Variants in ZNF804A observed in about 807,000 individuals in gnomAD.
ZNF804A encodes the protein zinc finger protein 804A.
ZNF804A carries 2 observed loss-of-function variants against 16.5 expected under a neutral mutation model. The observed-to-expected ratio is 0.12, with a 90% CI of 0.05 to 0.38. The LOEUF (loss-of-function observed/expected upper bound fraction) is 0.38, where lower values mean the gene tolerates loss of function less well. ZNF804A is among the 10% of genes least tolerant of loss of function. ZNF804A has a pLI of 0.99. For missense variants in ZNF804A, 1,473 were observed against 1,390.7 expected, an observed-to-expected ratio of 1.06 and a Z score of -0.94; for synonymous variants, 534 against 489.6, an observed-to-expected ratio of 1.09 and a Z score of -1.20.
Position 184,856,396 on chromosome 2 carries a change from G to A in ZNF804A, c.112-9973G>A, listed in dbSNP as rs373570481. ...AGTAATCTCTTAATGAAAACAAAGC[G>A]TCATAGGTAGAGAGTGAAAGTCTGC... On this transcript the variant is annotated intron_variant, in intron 1 of 3. Coordinates refer to ENST00000302277, the MANE Select transcript of ZNF804A (RefSeq NM_194250.2). Among the ~76,000 whole-genome samples the A allele has an allele frequency of 2.0e-4, 31 of 151,756 alleles. No individual in the cohort carries two copies. The East Asian group carries it at 4.3e-3, about 21-fold the overall frequency.
chr2:184,821,211 C>A, intron 1 of ZNF804A, among the ~76,000 whole-genome samples: 1 of 152,064 alleles, frequency 6.6e-6, no homozygotes, highest in Non-Finnish European at 1.5e-5. Flanking sequence ...GGTACAAAGA[C>A]AGACACATAG....
chr2:184,641,453 A>G (rs1306762353), intron 1 of ZNF804A, among the ~76,000 whole-genome samples: 1 of 152,172 alleles, frequency 6.6e-6, no homozygotes, highest in Non-Finnish European at 1.5e-5. Flanking sequence ...TTGTGGAGTA[A>G]TGGAAATGTT....
At chr2:184,691,542 T>G (rs1314165813) in intron 1 of ZNF804A, among the ~76,000 whole-genome samples, 1 of 151,736 alleles carries the variant, frequency 6.6e-6, no homozygotes, top group Admixed American at 6.6e-5. Context: ...TACATAAACC[T>G]TTATGTAAAT....
chr2:184,854,144 G>T (rs1469412339), intron 1 of ZNF804A, among the ~76,000 whole-genome samples: 1 of 151,760 alleles, frequency 6.6e-6, no homozygotes, highest in Non-Finnish European at 1.5e-5. Flanking sequence ...CAGGTGGAGT[G>T]TCCCTAATAC....
chr2:184,691,086 T>C (rs962837293), intron 1 of ZNF804A, among the ~76,000 whole-genome samples: 5 of 152,010 alleles, frequency 3.3e-5, no homozygotes, highest in African/African-American at 9.7e-5. Context: ...ACTCCATCTG[T>C]ATGGTACTTT....
At chr2:184,843,492 T>A (rs1409563463) in intron 1 of ZNF804A, among the ~76,000 whole-genome samples, 1 of 152,066 alleles carries the variant, frequency 6.6e-6, no homozygotes, top group Non-Finnish European at 1.5e-5. Flanking sequence ...CAGGCTGGTC[T>A]CAAACTCCTG....
chr2:184,827,215 A>G (rs1220403598), intron 1 of ZNF804A, among the ~76,000 whole-genome samples: 2 of 151,490 alleles, frequency 1.3e-5, no homozygotes, highest in African/African-American at 4.8e-5. Flanking sequence ...ATCTGGTTCT[A>G]TTATAGATGA....
At chr2:184,768,022 T>C (rs1293566777) in intron 1 of ZNF804A, among the ~76,000 whole-genome samples, 1 of 152,120 alleles carries the variant, frequency 6.6e-6, no homozygotes, top group East Asian at 1.9e-4. Flanking sequence ...TAGGACAAAG[T>C]AATTAACATT....
chr2:184,729,907 T>C (rs1693484539), intron 1 of ZNF804A, among the ~76,000 whole-genome samples: 2 of 152,098 alleles, frequency 1.3e-5, no homozygotes, highest in South Asian at 2.1e-4. Context: ...CCTTAGCTTA[T>C]CACGGTATGA....
chr2:184,818,634 C>A (rs1262059771), intron 1 of ZNF804A, among the ~76,000 whole-genome samples: 3 of 151,922 alleles, frequency 2.0e-5, no homozygotes, highest in Non-Finnish European at 4.4e-5. Flanking sequence ...AGTCATGGCC[C>A]ATTGATATGC....
chr2:184,758,508 T>C (rs1171588983), intron 1 of ZNF804A, among the ~76,000 whole-genome samples: 1 of 151,952 alleles, frequency 6.6e-6, no homozygotes, highest in Non-Finnish European at 1.5e-5. Flanking sequence ...GGTTACTCAA[T>C]TTGTAATAAT....
chr2:184,618,736 G>T lies in ZNF804A; in HGVS notation c.111+19666G>T, dbSNP rs141729057. Among the ~76,000 whole-genome samples the T allele has an allele frequency of 5.2e-3, 789 of 152,086 alleles. 6 individuals are homozygous for T. Among genetic ancestry groups the T allele is most frequent in the Middle Eastern group, 0.01 (3 of 294 alleles). ...AATAAAACTTCTCACATTAAATAAA[G>T]AATTATTTGCAGGCTGTTTATACCT... is the stretch of plus-strand genomic sequence containing the variant. On this transcript the variant is annotated intron_variant, in intron 1 of 3. Transcript: ENST00000302277.
chr2:184,604,422 C>A (rs1464937359), intron 1 of ZNF804A, among the ~76,000 whole-genome samples: 7 of 151,916 alleles, frequency 4.6e-5, no homozygotes, highest in African/African-American at 1.7e-4. Context: ...ATCCGCCAGC[C>A]TCAGCCTCCC....
chr2:184,765,603 G>GC (rs1236542452), intron 1 of ZNF804A, among the ~76,000 whole-genome samples: 85 of 65,382 alleles, frequency 1.3e-3, no homozygotes, highest in African/African-American at 3.6e-3. Context: ...CCCCTCACAT[G>GC]CACCCCCCCC....
intron 1 of ZNF804A, among the ~76,000 whole-genome samples, chr2:184,664,892 G>A (rs1692232169): frequency 6.6e-6 from 1 of 151,944 alleles, no homozygotes; most frequent in Non-Finnish European, 1.5e-5. Flanking sequence ...TGCAATAATT[G>A]GTGTAAACAT....
At chr2:184,675,078 GTAT>G (rs1336349734) in intron 1 of ZNF804A, among the ~76,000 whole-genome samples, 1 of 151,702 alleles carries the variant, frequency 6.6e-6, no homozygotes, top group African/African-American at 2.4e-5. Context: ...ATGGATGTAT[GTAT>G]TTATGTAAGT....
At chr2:184,853,023 T>C (rs1293426077) in intron 1 of ZNF804A, among the ~76,000 whole-genome samples, 1 of 151,808 alleles carries the variant, frequency 6.6e-6, no homozygotes, top group African/African-American at 2.4e-5. Context: ...AATCTGTAGA[T>C]CACTTTGCCT....
intron 1 of ZNF804A, among the ~76,000 whole-genome samples, chr2:184,816,391 T>C (rs1472030333): frequency 6.6e-6 from 1 of 152,130 alleles, no homozygotes; most frequent in Non-Finnish European, 1.5e-5. Flanking sequence ...AGGGGCTGTG[T>C]TTATCATTTG....
At chr2:184,684,630 TA>T (rs1188339795) in intron 1 of ZNF804A, among the ~76,000 whole-genome samples, 9 of 152,162 alleles carry the variant, frequency 5.9e-5, no homozygotes, top group Non-Finnish European at 8.8e-5. Flanking sequence ...GTTGTATGGA[TA>T]TATTATGTGA....
Sources: gnomAD v4.1 joint callset for allele counts (sites outside exome capture counted in the v4.1 genomes callset) on GRCh38, gnomAD v4.1.1 for gene constraint, MANE v1.5 for transcripts, NCBI Gene and HGNC (gene_info 2026-07-23, HGNC 2026-07-21) for gene names.